POU6F2: variants seen among roughly 807,000 people sequenced by gnomAD.
POU6F2 encodes the protein POU domain, class 6, transcription factor 2.
In POU6F2, 31 loss-of-function variants were observed where a neutral mutation model predicts 71.3. The observed-to-expected ratio is 0.43, with a 90% CI of 0.33 to 0.59. The LOEUF (loss-of-function observed/expected upper bound fraction) is 0.59, where lower values mean the gene tolerates loss of function less well. Among genes scored for constraint, POU6F2 ranks in the 20% least tolerant of loss-of-function variants. The probability of loss-of-function intolerance (pLI) is 0.04; values close to 1 mark genes in which losing one functional copy is unlikely to be tolerated. For missense variants in POU6F2, 783 were observed against 856.8 expected, an observed-to-expected ratio of 0.91 and a Z score of 1.07; for synonymous variants, 347 against 355.7, an observed-to-expected ratio of 0.98 and a Z score of 0.27.
intron 6 of POU6F2, among the ~76,000 whole-genome samples, chr7:39,409,400 C>T (rs1469790579): frequency 6.6e-6 from 1 of 152,150 alleles, no homozygotes; most frequent in African/African-American, 2.4e-5. Flanking sequence ...CCTCCCCTTC[C>T]TCTAGATTCT....
chr7:39,029,949 C>A (rs1169215086), intron 1 of POU6F2, among the ~76,000 whole-genome samples: 1 of 151,920 alleles, frequency 6.6e-6, no homozygotes, highest in East Asian at 1.9e-4. Flanking sequence ...GCTAATAGGA[C>A]CTTTTGCATC....
chr7:39,225,428 T>A (rs1562753990), intron 4 of POU6F2, among the ~76,000 whole-genome samples: 2 of 152,218 alleles, frequency 1.3e-5, no homozygotes, highest in Non-Finnish European at 2.9e-5. Flanking sequence ...AAGCACAAGA[T>A]TACCTTTTCT....
At chr7:39,367,266 C>T (rs566199803) in intron 5 of POU6F2, among the ~76,000 whole-genome samples, 54 of 152,134 alleles carry the variant, frequency 3.5e-4, no homozygotes, top group African/African-American at 1.2e-3. Context: ...TAAATTTAAA[C>T]GTTCAAATAT....
chr7:39,176,611 C>T (rs1013129860), intron 2 of POU6F2, among the ~76,000 whole-genome samples: 3 of 152,156 alleles, frequency 2.0e-5, no homozygotes, highest in Non-Finnish European at 4.4e-5. Context: ...CGCTGCTCTA[C>T]TGATCATAAC....
intron 4 of POU6F2, among the ~76,000 whole-genome samples, chr7:39,252,399 GAC>G (rs55738894): frequency 0.31 from 45,227 of 143,596 alleles, 7,676 homozygotes; most frequent in Admixed American, 0.43. Context: ...CAGACAGACA[GAC>G]ACACACACAC....
At chr7:39,045,189 G>A (rs923007522) in intron 1 of POU6F2, among the ~76,000 whole-genome samples, 3 of 151,990 alleles carry the variant, frequency 2.0e-5, no homozygotes, top group Admixed American at 6.6e-5. Flanking sequence ...AATAAGCATC[G>A]CGAATTCGCA....
At chr7:39,281,313 A>C (rs921988203) in intron 4 of POU6F2, among the ~76,000 whole-genome samples, 7 of 152,116 alleles carry the variant, frequency 4.6e-5, no homozygotes, top group Non-Finnish European at 1.0e-4. Flanking sequence ...AACATTCAGA[A>C]GCCTCTCTTT....
chr7:38,979,438 A>G (rs1788260221), intron 1 of POU6F2, among the ~76,000 whole-genome samples: 1 of 152,230 alleles, frequency 6.6e-6, no homozygotes, highest in Non-Finnish European at 1.5e-5. Flanking sequence ...ATGTTTTCAC[A>G]GGCTCACACT....
rs1788915782 is a variant in POU6F2, at chr7:39,460,358, G to C, written c.1490-189G>C. 6.6e-6 allele frequency among the ~76,000 whole-genome samples: 1 copy of C among 152,186 alleles called. No homozygotes were observed. Among genetic ancestry groups the C allele is most frequent in the Admixed American group, 6.5e-5 (1 of 15,280 alleles). ...ACAGAAACATCTCGAAGGATGATTT[G>C]TGGAGGTGTAATGAGTTGCGGATGG... On this transcript the variant is annotated intron_variant, in intron 8 of 9. Coordinates refer to ENST00000518318, the MANE Select transcript of POU6F2 (RefSeq NM_001370959.1). The surrounding 1 kb of genome is among the most constrained non-coding windows in gnomAD (Gnocchi z 4.4).
chr7:39,309,141 G>A (rs923832838), intron 4 of POU6F2, among the ~76,000 whole-genome samples: 1 of 152,360 alleles, frequency 6.6e-6, no homozygotes, highest in East Asian at 1.9e-4. Flanking sequence ...ACGAGGGGGA[G>A]GGAGTCGGGC....
At chr7:39,027,574 A>G (rs562695930) in intron 1 of POU6F2, among the ~76,000 whole-genome samples, 1 of 152,128 alleles carries the variant, frequency 6.6e-6, no homozygotes, top group African/African-American at 2.4e-5. Flanking sequence ...CTGTCGTTTT[A>G]TATTTTTGAC....
intron 2 of POU6F2, among the ~76,000 whole-genome samples, chr7:39,118,066 T>C (rs1258206170): frequency 6.6e-6 from 1 of 151,806 alleles, no homozygotes; most frequent in Non-Finnish European, 1.5e-5. Flanking sequence ...CTTAGACTCT[T>C]ATAATACCGC....
chr7:39,243,967 G>T (rs1368976188), intron 4 of POU6F2, among the ~76,000 whole-genome samples: 5 of 152,024 alleles, frequency 3.3e-5, no homozygotes, highest in African/African-American at 1.2e-4. Context: ...TGAGAGAGGA[G>T]ACTTGAAGTT....
intron 4 of POU6F2, among the ~76,000 whole-genome samples, chr7:39,252,098 G>A (rs1783932543): frequency 6.6e-6 from 1 of 151,934 alleles, no homozygotes; most frequent in Non-Finnish European, 1.5e-5. Flanking sequence ...TATCCCTGTT[G>A]TTTCTCTCAT....
intron 2 of POU6F2, among the ~76,000 whole-genome samples, chr7:39,190,305 G>A (rs939019956): frequency 6.7e-6 from 1 of 149,594 alleles, no homozygotes; most frequent in Non-Finnish European, 1.5e-5. Flanking sequence ...TGATAGACTT[G>A]CATATAATAC....
At chr7:39,004,055 T>C (rs1216261506) in intron 1 of POU6F2, among the ~76,000 whole-genome samples, 1 of 152,172 alleles carries the variant, frequency 6.6e-6, no homozygotes, top group African/African-American at 2.4e-5. Context: ...AACGTTTATA[T>C]ATATTTTTCA....
intron 4 of POU6F2, among the ~76,000 whole-genome samples, chr7:39,313,119 C>T (rs1785199321): frequency 6.6e-6 from 1 of 152,156 alleles, no homozygotes; most frequent in Non-Finnish European, 1.5e-5. Flanking sequence ...CCATGGTTTA[C>T]AAGTTTCTGC....
chr7:39,144,653 T>C (rs148503108), intron 2 of POU6F2, among the ~76,000 whole-genome samples: 2 of 152,336 alleles, frequency 1.3e-5, no homozygotes, highest in African/African-American at 4.8e-5. Context: ...GAGTTTCTCT[T>C]ATGGTTTGAA....
intron 2 of POU6F2, among the ~76,000 whole-genome samples, chr7:39,186,132 C>T (rs1584589410): frequency 6.6e-6 from 1 of 152,038 alleles, no homozygotes; most frequent in Admixed American, 6.6e-5. Flanking sequence ...CTGGCAAGAA[C>T]TTAATAAATA....
Sources: allele counts gnomAD v4.1 joint callset (sites outside exome capture counted in the v4.1 genomes callset), GRCh38; gene constraint gnomAD v4.1.1; non-coding constraint Gnocchi (gnomAD v3.1); transcripts MANE v1.5; gene names NCBI Gene and HGNC (gene_info 2026-07-23, HGNC 2026-07-21).